Variants in MAST4 observed in about 807,000 individuals in gnomAD.
MAST4 encodes the protein microtubule-associated serine/threonine-protein kinase 4.
A neutral mutation model predicts 162.7 loss-of-function variants in MAST4; 89 were observed. That is an observed-to-expected ratio of 0.55 (90% CI 0.46 to 0.65). The LOEUF is 0.65. MAST4 is among the 30% of genes least tolerant of loss of function. The probability of loss-of-function intolerance (pLI) is 0.00; values close to 1 mark genes in which losing one functional copy is unlikely to be tolerated. For synonymous variants in MAST4, 1,479 were observed against 1,361.1 expected (o/e 1.09, Z -1.91); for missense variants, 3,153 against 3,374.0 (o/e 0.93, Z 1.62).
At chr5:66,913,580 G>A (rs1462053876) in intron 4 of MAST4, among the ~76,000 whole-genome samples, 1 of 152,168 alleles carries the variant, frequency 6.6e-6, no homozygotes, top group Non-Finnish European at 1.5e-5. Flanking sequence ...CCTGATATAT[G>A]TGATCTGTAA....
In MAST4 at chr5:66,608,355, C is replaced by CTT. The variant is rs72272071; in HGVS notation, c.363+11367_363+11368dup. 3.2e-3 allele frequency among the ~76,000 whole-genome samples: 140 copies of CTT among 44,428 alleles called. 16 individuals carry two copies. Among genetic ancestry groups the CTT allele is most frequent in the East Asian group, 8.9e-3 (11 of 1,240 alleles). 29.1% of individuals were successfully genotyped at this position (44,428 alleles called of 152,430 possible). On this transcript the variant is annotated intron_variant, in intron 1 of 28. Coordinates refer to ENST00000403625, the MANE Select transcript of MAST4 (RefSeq NM_001164664.2). Reference sequence around the variant, plus strand: ...ACAGACATGAACCACTGTGCCTGGCCTTTTTTTTTTTTTTTTTTTTTTTTT... The same window carrying CTT: ...ACAGACATGAACCACTGTGCCTGGCCTTTTTTTTTTTTTTTTTTTTTTTTTTT...
At chr5:66,712,222 C>A (rs374563943) in intron 1 of MAST4, among the ~76,000 whole-genome samples, 3 of 152,194 alleles carry the variant, frequency 2.0e-5, no homozygotes, top group African/African-American at 7.2e-5. Flanking sequence ...ATTTAGGAAC[C>A]AGTCACATGG....
rs754095073 is a variant in MAST4 at position 66,837,894 on chromosome 5, ATT to A, written c.642+49122_642+49123del. 9.1e-3 allele frequency among the ~76,000 whole-genome samples: 486 copies of A among 53,394 alleles called. 1 individual carries two copies. Among genetic ancestry groups the A allele is most frequent in the African/African-American group, 0.039 (365 of 9,456 alleles). 35.0% of individuals were successfully genotyped at this position (53,394 alleles called of 152,430 possible). The stretch of plus-strand genomic sequence containing the variant: ...TATATATATATATATATATATATAT[ATT>A]TTTTTTTTTTTTTTTTTTTTTAATG... On this transcript the variant is annotated intron_variant, in intron 3 of 28. Transcript: ENST00000403625.
Position 67,049,080 on chromosome 5 carries a change from C to T in MAST4, c.675-5324C>T, listed in dbSNP as rs377043607. Among the ~76,000 whole-genome samples the T allele has an allele frequency of 1.6e-4, 13 of 82,858 alleles. No homozygotes were observed. In the East Asian group the frequency reaches 2.4e-3, roughly 15 times the overall value. The allele number at this position is 82,858 out of a possible 152,430, so 54.4% of individuals were successfully genotyped here. ...ATATACGTATATATATATATATATA[C>T]ACTACCATACCAAGAATGAATGGGC... On this transcript the variant is annotated intron_variant, in intron 4 of 28. Transcript: ENST00000403625.
intron 3 of MAST4, among the ~76,000 whole-genome samples, chr5:66,799,396 C>A (rs1163768169): frequency 6.6e-6 from 1 of 152,146 alleles, no homozygotes; most frequent in East Asian, 1.9e-4. Flanking sequence ...GCATCTCTTC[C>A]TGCCTTCTCC....
At chr5:66,837,132 C>T (rs1758034897) in intron 3 of MAST4, among the ~76,000 whole-genome samples, 1 of 151,854 alleles carries the variant, frequency 6.6e-6, no homozygotes, top group African/African-American at 2.4e-5. Flanking sequence ...CTACCTCTTA[C>T]TGCCTGATGT....
intron 1 of MAST4, among the ~76,000 whole-genome samples, chr5:66,750,423 A>T (rs1753064066): frequency 6.6e-6 from 1 of 152,222 alleles, no homozygotes; most frequent in Non-Finnish European, 1.5e-5. Context: ...CAGTGGGCGC[A>T]GGTCAGTGGG....
intron 26 of MAST4, among the ~76,000 whole-genome samples, chr5:67,155,733 G>T (rs1156585605): frequency 6.6e-6 from 1 of 152,060 alleles, no homozygotes; most frequent in Non-Finnish European, 1.5e-5. Flanking sequence ...TGTGCACAGA[G>T]CTGATGTGCA....
intron 1 of MAST4, among the ~76,000 whole-genome samples, chr5:66,634,992 C>T: frequency 6.6e-6 from 1 of 152,328 alleles, no homozygotes; most frequent in Middle Eastern, 3.4e-3. Context: ...GGATGCAGGT[C>T]CTGCCATCCT....
At chr5:67,101,469 T>C (rs1765019753) in intron 8 of MAST4, among the ~76,000 whole-genome samples, 1 of 152,096 alleles carries the variant, frequency 6.6e-6, no homozygotes, top group Non-Finnish European at 1.5e-5. Context: ...TGGATAGCAC[T>C]CCCAGAAGCC....
At chr5:66,671,454 C>T (rs1747607135) in intron 1 of MAST4, among the ~76,000 whole-genome samples, 1 of 152,156 alleles carries the variant, frequency 6.6e-6, no homozygotes, top group African/African-American at 2.4e-5. Context: ...AGCAACTTCT[C>T]TGAATGTTTT....
intron 4 of MAST4, among the ~76,000 whole-genome samples, chr5:66,983,652 T>C (rs555273856): frequency 6.6e-6 from 1 of 152,050 alleles, no homozygotes; most frequent in Non-Finnish European, 1.5e-5. Flanking sequence ...TCTACAAAAC[T>C]GAGGGGGAGG....
intron 1 of MAST4, among the ~76,000 whole-genome samples, chr5:66,737,578 C>T (rs776654389): frequency 4.6e-5 from 7 of 152,142 alleles, no homozygotes; most frequent in South Asian, 2.1e-4. Context: ...CGTATCTCTC[C>T]GTGTACTTTG....
At chr5:66,712,523 C>G (rs757131644) in intron 1 of MAST4, among the ~76,000 whole-genome samples, 2 of 152,174 alleles carry the variant, frequency 1.3e-5, no homozygotes, top group South Asian at 2.1e-4. Flanking sequence ...ATTACTGGAC[C>G]TTGCTAGGAG....
intron 4 of MAST4, chr5:67,002,135 T>C (rs898378424): frequency 6.6e-6 from 1 of 152,178 alleles, no homozygotes; most frequent in African/African-American, 2.4e-5. Flanking sequence ...TTGAGTTTGA[T>C]TGTGACATTT....
At chr5:66,636,677 T>G (rs1359344341) in intron 1 of MAST4, among the ~76,000 whole-genome samples, 1 of 152,208 alleles carries the variant, frequency 6.6e-6, no homozygotes, top group Non-Finnish European at 1.5e-5. Flanking sequence ...AGTTAGCAAT[T>G]GTGCCTGGGG....
chr5:66,645,553 A>G (rs996424802), intron 1 of MAST4, among the ~76,000 whole-genome samples: 8 of 152,198 alleles, frequency 5.3e-5, no homozygotes, highest in Non-Finnish European at 8.8e-5. Context: ...TTTCAAGTAC[A>G]TATGTTGACC....
intron 14 of MAST4, among the ~76,000 whole-genome samples, chr5:67,123,361 C>T (rs1767811097): frequency 6.6e-6 from 1 of 152,220 alleles, no homozygotes. Flanking sequence ...CATCTGATTC[C>T]TTCTCTGTTT....
intron 10 of MAST4, among the ~76,000 whole-genome samples, chr5:67,108,515 G>GTA (rs1195911413): frequency 6.6e-6 from 1 of 152,092 alleles, no homozygotes; most frequent in Non-Finnish European, 1.5e-5. Flanking sequence ...TATTTGAGAT[G>GTA]TATATATATG....
Sources: gnomAD v4.1 joint callset for allele counts (sites outside exome capture counted in the v4.1 genomes callset) on GRCh38, gnomAD v4.1.1 for gene constraint, MANE v1.5 for transcripts, NCBI Gene and HGNC (gene_info 2026-07-23, HGNC 2026-07-21) for gene names.